The following ARHGAP32 variants were observed in gnomAD, a reference collection of about 807,000 sequenced individuals.
ARHGAP32 encodes the protein Rho GTPase activating protein 32, also known as rho GTPase-activating protein 32.
ARHGAP32 carries 51 observed loss-of-function variants against 186.5 expected under a neutral mutation model. The observed-to-expected ratio is 0.27, with a 90% CI of 0.22 to 0.35. The LOEUF (loss-of-function observed/expected upper bound fraction) is 0.35, where lower values mean the gene tolerates loss of function less well. Ranked by LOEUF, ARHGAP32 falls within the 10% of genes least tolerant of loss-of-function variation. The pLI is 1.00. For synonymous variants in ARHGAP32, 950 were observed against 964.3 expected (o/e 0.99, Z 0.27); for missense variants, 2,186 against 2,623.5 (o/e 0.83, Z 3.64).
At chr11:129,036,522 A>G (rs1430076108) in intron 11 of ARHGAP32, among the ~76,000 whole-genome samples, 1 of 152,224 alleles carries the variant, frequency 6.6e-6, no homozygotes, top group Admixed American at 6.5e-5. Flanking sequence ...ATGAGACATA[A>G]TAACTAATAT....
At chr11:129,201,183 C>T (rs963303536) in intron 1 of ARHGAP32, among the ~76,000 whole-genome samples, 2 of 152,156 alleles carry the variant, frequency 1.3e-5, no homozygotes, top group Non-Finnish European at 2.9e-5. Context: ...AATTTCATAA[C>T]CGTATGAATA....
chr11:129,112,218 G>C (rs1259179608), intron 5 of ARHGAP32, among the ~76,000 whole-genome samples: 2 of 151,412 alleles, frequency 1.3e-5, no homozygotes, highest in African/African-American at 2.4e-5. Context: ...ACTCCAGCCT[G>C]AGTGACAGAG....
At chr11:129,211,892 C>A (rs1944586499) in intron 1 of ARHGAP32, among the ~76,000 whole-genome samples, 1 of 152,140 alleles carries the variant, frequency 6.6e-6, no homozygotes, top group African/African-American at 2.4e-5. Flanking sequence ...TGGTGGCTCA[C>A]ACCTGTAATC....
chr11:129,055,542 T>C (rs988960481), intron 10 of ARHGAP32, among the ~76,000 whole-genome samples: 2 of 152,228 alleles, frequency 1.3e-5, no homozygotes, highest in African/African-American at 2.4e-5. Context: ...CACAAGGTCC[T>C]TCAATACTTG....
At chr11:129,074,081 G>T (rs1280777760) in intron 6 of ARHGAP32, among the ~76,000 whole-genome samples, 1 of 152,138 alleles carries the variant, frequency 6.6e-6, no homozygotes, top group Non-Finnish European at 1.5e-5. Context: ...TGTAAGAAAT[G>T]TAAAAGAAGT....
At chr11:129,159,160 GCAAA>G (rs1292818020) in intron 2 of ARHGAP32, among the ~76,000 whole-genome samples, 2 of 152,046 alleles carry the variant, frequency 1.3e-5, no homozygotes, top group African/African-American at 4.8e-5. Context: ...AGAAGCAAGA[GCAAA>G]CAAATTCAAG....
chr11:128,981,312 T>C, intron 17 of ARHGAP32, 104 bp downstream of exon 17: 3 of 1,276,172 alleles, frequency 2.4e-6, no homozygotes, highest in Non-Finnish European at 3.2e-6. Context: ...AGCTGCCTTA[T>C]ACCAGTGACA....
intron 2 of ARHGAP32, among the ~76,000 whole-genome samples, chr11:129,147,527 G>T (rs975945785): frequency 1.2e-4 from 18 of 152,236 alleles, no homozygotes; most frequent in African/African-American, 4.3e-4. Context: ...TAGGCGTATG[G>T]GATTTTGTTT....
intron 1 of ARHGAP32, among the ~76,000 whole-genome samples, chr11:129,245,115 T>C (rs1224489767): frequency 1.7e-4 from 26 of 149,636 alleles, no homozygotes; most frequent in African/African-American, 5.7e-4. Context: ...ACCCAAAGGA[T>C]TATAAATCAT....
At chr11:129,276,225 T>C (rs1945527883) in intron 1 of ARHGAP32, among the ~76,000 whole-genome samples, 1 of 152,214 alleles carries the variant, frequency 6.6e-6, no homozygotes, top group Non-Finnish European at 1.5e-5. Context: ...ACCGGTGGAT[T>C]TTCTAAATAA....
rs764815582 is a variant in ARHGAP32 at position 128,969,738 on chromosome 11, C to A, written c.5475G>T (p.Glu1825Asp). Residue 1825 changes from glutamate to aspartate, a missense_variant, in exon 23 of 23, where the codon GAG becomes GAT. Physicochemically the swap from Glu to Asp is conservative, Grantham distance 45. This residue lies in a region of ARHGAP32 where 1,502 missense variants were observed against 1,570.0 expected (regional missense o/e 0.96). Transcript: ENST00000682385. This position sits in a 1 kb window ranked among gnomAD's most constrained non-coding sequence, Gnocchi z 4.8. ...TGLLSVAEGK[E>D]SRHAAKAISP... ...TGATGGCCTTGGCTGCATGGCGGCT[C>A]TCCTTTCCTTCTGCCACTGAGAGAA... 5.6e-6 allele frequency: 9 copies of A among 1,614,150 alleles called. No homozygotes were observed. The highest frequency in any genetic ancestry group is 7.6e-6 in the Non-Finnish European group (9 of 1,180,026).
chr11:129,263,707 G>GAGGAAAGGAA (rs779795694), intron 1 of ARHGAP32, among the ~76,000 whole-genome samples: 8 of 151,764 alleles, frequency 5.3e-5, no homozygotes, highest in African/African-American at 1.2e-4. Context: ...AAAGAGGAAA[G>GAGGAAAGGAA]AGGAAAGGAA....
At chr11:129,115,790 T>C (rs981726013) in intron 5 of ARHGAP32, among the ~76,000 whole-genome samples, 2 of 152,112 alleles carry the variant, frequency 1.3e-5, no homozygotes, top group Non-Finnish European at 2.9e-5. Flanking sequence ...AAGCCATGTT[T>C]ACATTCCAGA....
chr11:129,074,009 T>C (rs1003398923), intron 6 of ARHGAP32, among the ~76,000 whole-genome samples: 2 of 151,970 alleles, frequency 1.3e-5, no homozygotes, highest in Admixed American at 1.3e-4. Flanking sequence ...CCCTCAAAAA[T>C]GAAAGAGAAA....
intron 1 of ARHGAP32, among the ~76,000 whole-genome samples, chr11:129,198,405 T>C (rs1274427318): frequency 1.3e-5 from 2 of 152,220 alleles, no homozygotes; most frequent in African/African-American, 4.8e-5. Flanking sequence ...CATCTTGAAT[T>C]GTAGCTCCCA....
chr11:129,277,334 C>T (rs960579844), intron 1 of ARHGAP32, among the ~76,000 whole-genome samples: 1 of 151,950 alleles, frequency 6.6e-6, no homozygotes, highest in African/African-American at 2.4e-5. Flanking sequence ...AGGAAATGAA[C>T]ACAGAAGGAA....
rs538889177 is a variant in ARHGAP32, at chr11:129,127,791, G to T, written c.226-2897C>A. Among the ~76,000 whole-genome samples the T allele has an allele frequency of 1.1e-3, 173 of 151,668 alleles. 5 individuals are homozygous for T. In the East Asian group the frequency reaches 0.03, roughly 27 times the overall value. ...AAATAACAAGTTTTCCTATTTTCAT[G>T]TTATAATTATCACTTAATTATGCTT... On this transcript the variant is annotated intron_variant, in intron 2 of 22. Coordinates refer to ENST00000682385, the MANE Select transcript of ARHGAP32 (RefSeq NM_001378024.1).
At chr11:129,161,722 G>A (rs929562013) in intron 2 of ARHGAP32, among the ~76,000 whole-genome samples, 2 of 152,206 alleles carry the variant, frequency 1.3e-5, no homozygotes, top group African/African-American at 4.8e-5. Context: ...TTCAGCCATT[G>A]TGGAAGACAG....
At chr11:129,131,584 A>T (rs1404793271) in intron 2 of ARHGAP32, among the ~76,000 whole-genome samples, 1 of 152,002 alleles carries the variant, frequency 6.6e-6, no homozygotes, top group East Asian at 1.9e-4. Flanking sequence ...ACTTTTAAGC[A>T]ACCAGATCTC....
Sources: allele counts gnomAD v4.1 joint callset (sites outside exome capture counted in the v4.1 genomes callset), GRCh38; gene constraint gnomAD v4.1.1; regional missense constraint gnomAD v4.1.1; non-coding constraint Gnocchi (gnomAD v3.1); transcripts MANE v1.5; gene names NCBI Gene and HGNC (gene_info 2026-07-23, HGNC 2026-07-21).